The following NRG3 variants were observed in gnomAD, a reference collection of about 807,000 sequenced individuals.
The protein encoded by NRG3 is neuregulin 3, also known as pro-neuregulin-3, membrane-bound isoform.
NRG3 carries 31 observed loss-of-function variants against 66.9 expected under a neutral mutation model. The observed-to-expected ratio is 0.46, with a 90% CI of 0.35 to 0.63. NRG3 has a LOEUF of 0.63. Among genes scored for constraint, NRG3 ranks in the 20% least tolerant of loss-of-function variants. NRG3 has a pLI of 0.00. For missense variants in NRG3, 910 were observed against 878.9 expected, an observed-to-expected ratio of 1.04 and a Z score of -0.45; for synonymous variants, 393 against 359.4, an observed-to-expected ratio of 1.09 and a Z score of -1.06.
chr10:82,947,424 G>A (rs943808552), intron 4 of NRG3, among the ~76,000 whole-genome samples: 5 of 151,982 alleles, frequency 3.3e-5, no homozygotes, highest in African/African-American at 1.2e-4. Context: ...TGAACATTGG[G>A]TACCCAGTGA....
chr10:81,981,532 A>T (rs1055308063), intron 1 of NRG3, among the ~76,000 whole-genome samples: 2 of 151,876 alleles, frequency 1.3e-5, no homozygotes, highest in Admixed American at 1.3e-4. Context: ...TCGTCTTCTG[A>T]TGCCTTGAGT....
intron 1 of NRG3, among the ~76,000 whole-genome samples, chr10:82,033,913 G>A (rs57848488): frequency 0.03 from 4,521 of 152,214 alleles, 231 homozygotes; most frequent in African/African-American, 0.1. Flanking sequence ...CTGTGAAAAT[G>A]TTTTTTAATC....
Position 82,907,909 on chromosome 10 carries a change from C to A in NRG3, c.1054+42472C>A, listed in dbSNP as rs1487846672. 3.3e-5 allele frequency among the ~76,000 whole-genome samples: 5 copies of A among 152,240 alleles called. No homozygotes were observed. The East Asian group carries it at 9.7e-4, about 29-fold the overall frequency. Reference sequence around the variant, plus strand: ...TCAAAGCATGTAGGCAATGTTTTGCCTGTCTTGAAAGCTTAGAACCTTAGC... The same window carrying A: ...TCAAAGCATGTAGGCAATGTTTTGCATGTCTTGAAAGCTTAGAACCTTAGC... On this transcript the variant is annotated intron_variant, in intron 4 of 8. Coordinates refer to ENST00000372141, the MANE Select transcript of NRG3 (RefSeq NM_001010848.4).
At chr10:82,293,422 T>G (rs2079858926) in intron 1 of NRG3, among the ~76,000 whole-genome samples, 1 of 152,172 alleles carries the variant, frequency 6.6e-6, no homozygotes, top group Non-Finnish European at 1.5e-5. Flanking sequence ...GTTCAATTAT[T>G]ATTGAGCCAT....
intron 1 of NRG3, among the ~76,000 whole-genome samples, chr10:81,897,182 A>G (rs1413343697): frequency 6.6e-6 from 1 of 152,192 alleles, no homozygotes; most frequent in South Asian, 2.1e-4. Flanking sequence ...GCCTGAGCAT[A>G]ATAAACATGC....
At chr10:82,793,733 G>C (rs551272656) in intron 3 of NRG3, among the ~76,000 whole-genome samples, 66 of 152,266 alleles carry the variant, frequency 4.3e-4, no homozygotes, top group African/African-American at 1.5e-3. Context: ...AGATAGATGA[G>C]ATTGTCTCTT....
Position 82,267,242 on chromosome 10 carries a change from A to C in NRG3, c.824-91497A>C, listed in dbSNP as rs570419407. On this transcript the variant is annotated intron_variant, in intron 1 of 8. Transcript: ENST00000372141. ...ATGATTCATAGTCCTCAGACTGACT[A>C]TCACATGCATACACGCATACACAAA... Among the ~76,000 whole-genome samples, 3 of 152,260 alleles carry C rather than the reference A, an allele frequency of 2.0e-5. No individual in the cohort carries two copies. In the South Asian group the frequency reaches 6.2e-4, roughly 32 times the overall value.
chr10:82,309,508 C>A (rs1311562449), intron 1 of NRG3, among the ~76,000 whole-genome samples: 1 of 151,984 alleles, frequency 6.6e-6, no homozygotes, highest in East Asian at 1.9e-4. Context: ...AGAAGCCCTT[C>A]ACTGATTGGC....
chr10:82,437,972 A>G (rs1432457048), intron 2 of NRG3, among the ~76,000 whole-genome samples: 1 of 152,186 alleles, frequency 6.6e-6, no homozygotes, highest in Non-Finnish European at 1.5e-5. Context: ...TGATGCCAGT[A>G]GGATCACTCC....
intron 2 of NRG3, among the ~76,000 whole-genome samples, chr10:82,380,272 T>TG: frequency 6.6e-6 from 1 of 151,952 alleles, no homozygotes; most frequent in East Asian, 1.9e-4. Flanking sequence ...ATCAGATTTT[T>TG]TTTGCAATTA....
At chr10:82,180,029 C>A (rs1234099721) in intron 1 of NRG3, among the ~76,000 whole-genome samples, 1 of 150,830 alleles carries the variant, frequency 6.6e-6, no homozygotes, top group Non-Finnish European at 1.5e-5. Context: ...TTTTAATTTT[C>A]TTTTCAGATT....
Position 82,482,295 on chromosome 10 carries a change from G to T in NRG3, c.953+123427G>T, listed in dbSNP as rs372092354. Reference sequence around the variant, plus strand: ...CACTTAGTAGAAAGGCTGCCACACTGTGTTTAGCCTTGTCATCCTGGAACA... The same window carrying T: ...CACTTAGTAGAAAGGCTGCCACACTTTGTTTAGCCTTGTCATCCTGGAACA... On this transcript the variant is annotated intron_variant, in intron 2 of 8. Coordinates refer to ENST00000372141, the MANE Select transcript of NRG3 (RefSeq NM_001010848.4). Among the ~76,000 whole-genome samples, 10 of 152,272 alleles carry T rather than the reference G, an allele frequency of 6.6e-5. No individual in the cohort carries two copies. In the East Asian group the frequency reaches 1.5e-3, roughly 24 times the overall value.
At chr10:82,543,207 T>C (rs2043665051) in intron 2 of NRG3, among the ~76,000 whole-genome samples, 1 of 152,116 alleles carries the variant, frequency 6.6e-6, no homozygotes, top group African/African-American at 2.4e-5. Context: ...CATTTTTTAC[T>C]ATAAAGCTGA....
chr10:82,136,188 T>C (rs1029537534), intron 1 of NRG3, among the ~76,000 whole-genome samples: 1 of 152,182 alleles, frequency 6.6e-6, no homozygotes. Context: ...TCTCTTACTT[T>C]CCCTCAAACA....
intron 1 of NRG3, among the ~76,000 whole-genome samples, chr10:82,169,342 C>T (rs1184466477): frequency 6.6e-6 from 1 of 151,552 alleles, no homozygotes; most frequent in South Asian, 2.1e-4. Flanking sequence ...CATTTTTTTT[C>T]CCACTTTTTA....
chr10:82,860,618 C>T (rs763008694), intron 3 of NRG3, among the ~76,000 whole-genome samples: 22 of 152,256 alleles, frequency 1.4e-4, no homozygotes, highest in South Asian at 6.2e-4. Context: ...GTTCCTGGTA[C>T]GCAGTAAGTG....
At chr10:82,418,542 T>TGGAAGACCAA (rs199960275) in intron 2 of NRG3, among the ~76,000 whole-genome samples, 2,034 of 152,166 alleles carry the variant, frequency 0.013, 43 homozygotes, top group South Asian at 0.097. Flanking sequence ...ATGTCCTTGG[T>TGGAAGACCAA]GGAAGAAGTT....
chr10:82,129,375 T>G (rs1474708850), intron 1 of NRG3, among the ~76,000 whole-genome samples: 1 of 152,174 alleles, frequency 6.6e-6, no homozygotes, highest in African/African-American at 2.4e-5. Flanking sequence ...ACTCCTTTCA[T>G]TCTGGTTTCC....
Position 81,886,358 on chromosome 10 carries a change from T to C in NRG3, c.823+10195T>C, listed in dbSNP as rs530028753. Among the ~76,000 whole-genome samples, 41 of 152,282 alleles carry C rather than the reference T, an allele frequency of 2.7e-4. 1 individual carries two copies. In the South Asian group the frequency reaches 7.7e-3, roughly 28 times the overall value. ...AATTGGGTAATGCATTTAAGTATTC[T>C]ATAAATCTGTGAATTGTGGTTTCTA... On this transcript the variant is annotated intron_variant, in intron 1 of 8. Transcript: ENST00000372141.
Sources: gnomAD v4.1 joint callset for allele counts (sites outside exome capture counted in the v4.1 genomes callset) on GRCh38, gnomAD v4.1.1 for gene constraint, MANE v1.5 for transcripts, NCBI Gene and HGNC (gene_info 2026-07-23, HGNC 2026-07-21) for gene names.